Variants in DAZAP1 observed in about 807,000 individuals in gnomAD.
DAZAP1 encodes DAZ associated protein 1.
DAZAP1 carries 6 observed loss-of-function variants against 60.1 expected under a neutral mutation model. The observed-to-expected ratio is 0.10, with a 90% CI of 0.05 to 0.20. The LOEUF (loss-of-function observed/expected upper bound fraction) is 0.20, where lower values mean the gene tolerates loss of function less well. DAZAP1 is among the 10% of genes least tolerant of loss of function. DAZAP1 has a pLI of 1.00. For synonymous variants in DAZAP1, 235 were observed against 215.9 expected, an observed-to-expected ratio of 1.09 and a Z score of -0.78; for missense variants, 366 against 560.4, an observed-to-expected ratio of 0.65 and a Z score of 3.50.
At position 1,430,250 on chromosome 19, in the gene DAZAP1, A is replaced by AGGG; in HGVS notation, c.761_762insGGG (p.Gly254dup). The AGGG allele has an allele frequency of 6.8e-7, 1 of 1,481,090 alleles. No homozygotes were observed. Among genetic ancestry groups the AGGG allele is most frequent in the Non-Finnish European group, 9.2e-7 (1 of 1,084,106 alleles). The allele number at this position is 1,481,090 out of a possible 1,614,324, so 91.7% of individuals were successfully genotyped here. A position where few individuals can be genotyped will look rare whatever the true frequency, so the allele number is the denominator to read the frequency against. Reference sequence around the variant, plus strand: ...GCTATGGACCGCCCCCTGCAGGAAGAGGAGCCCCCCCGCCACCCCCACCGT... The same window carrying AGGG: ...GCTATGGACCGCCCCCTGCAGGAAGAGGGGGAGCCCCCCCGCCACCCCCACCGT... On this transcript the variant is annotated inframe_insertion, in exon 10 of 12. Coordinates refer to ENST00000233078, the MANE Select transcript of DAZAP1 (RefSeq NM_018959.4).
In DAZAP1 at chr19:1,418,417, C is replaced by T. The variant is rs755618495; in HGVS notation, c.237+47C>T. The T allele has an allele frequency of 5.6e-6, 9 of 1,596,172 alleles. No homozygotes were observed. In the South Asian group the frequency reaches 1.0e-4, roughly 18 times the overall value. ...CACACCCGCTCTCTGTCTCCCCTGTCCTTCCTCTGCTTCATTTTTTCCTGG... is the reference window on the plus strand; with the variant it reads ...CACACCCGCTCTCTGTCTCCCCTGTTCTTCCTCTGCTTCATTTTTTCCTGG... On this transcript the variant is annotated intron_variant, in intron 3 of 11. Transcript: ENST00000233078. This position sits in a 1 kb window ranked among gnomAD's most constrained non-coding sequence, Gnocchi z 5.7.
chr19:1,413,933 A>G (rs2082899574), intron 1 of DAZAP1, among the ~76,000 whole-genome samples: 1 of 150,250 alleles, frequency 6.7e-6, no homozygotes, highest in Admixed American at 6.6e-5. Flanking sequence ...CAGACTCACC[A>G]TTGGCTGACA....
chr19:1,407,711 C>T lies in DAZAP1; in HGVS notation c.-63C>T. 1 of 1,056,540 alleles carries T rather than the reference C, an allele frequency of 9.5e-7. No individual in the cohort carries two copies. Among genetic ancestry groups the T allele is most frequent in the Non-Finnish European group, 1.1e-6 (1 of 877,616 alleles). The allele number at this position is 1,056,540 out of a possible 1,614,324, so 65.4% of individuals were successfully genotyped here. On this transcript the variant is annotated 5_prime_UTR_variant, in exon 1 of 12. Coordinates refer to ENST00000233078, the MANE Select transcript of DAZAP1 (RefSeq NM_018959.4). ...GTGGGGAGGGCGACGGAGCGGGTGA[C>T]CTTCCGGAGGCGGGAGCGAGCGAGG...
intron 4 of DAZAP1, 72 bp from the exon 5 acceptor site, chr19:1,421,076 A>G: frequency 6.4e-6 from 9 of 1,400,694 alleles, no homozygotes; most frequent in Non-Finnish European, 8.1e-6. Flanking sequence ...ATTGGCCTTT[A>G]TGTCCTCCGC....
chr19:1,410,248 C>T (rs2082788215), intron 1 of DAZAP1, among the ~76,000 whole-genome samples: 1 of 152,184 alleles, frequency 6.6e-6, no homozygotes, highest in African/African-American at 2.4e-5. Context: ...CACCGACTTC[C>T]AGTCAGCTTG....
At chr19:1,408,349 C>T (rs2082724908) in intron 1 of DAZAP1, among the ~76,000 whole-genome samples, 1 of 152,136 alleles carries the variant, frequency 6.6e-6, no homozygotes, top group Non-Finnish European at 1.5e-5. Flanking sequence ...TCCAGGGCGC[C>T]GTCGCCGCCG....
Position 1,425,255 on chromosome 19 carries a change from A to G in DAZAP1, c.464-623A>G, listed in dbSNP as rs541663884. On this transcript the variant is annotated intron_variant, in intron 6 of 11. Transcript: ENST00000233078. The surrounding 1 kb of genome is among the most constrained non-coding windows in gnomAD (Gnocchi z 5.4). ...GCGTAAGCCTAGCGAGGCACCAGCT[A>G]TGATAGATACTGTATCTGTTAACGC... 6.6e-5 allele frequency among the ~76,000 whole-genome samples: 10 copies of G among 152,334 alleles called. No individual in the cohort carries two copies. The East Asian group carries it at 1.5e-3, about 24-fold the overall frequency.
At chr19:1,412,558 C>T (rs918679667) in intron 1 of DAZAP1, among the ~76,000 whole-genome samples, 1 of 152,194 alleles carries the variant, frequency 6.6e-6, no homozygotes, top group African/African-American at 2.4e-5. Context: ...CCCATTGAGG[C>T]TGCTGGCCCC....
At chr19:1,417,164 G>A (rs2083010706) in intron 1 of DAZAP1, 3 of 370,022 alleles carry the variant, frequency 8.1e-6, no homozygotes, top group South Asian at 3.0e-5. Context: ...GTAGGAAAGC[G>A]AGCCTGTGTC....
rs866821220 is a variant in DAZAP1 at position 1,428,009 on chromosome 19, A to G, written c.547-833A>G. On this transcript the variant is annotated intron_variant, in intron 7 of 11. Transcript: ENST00000233078. This position sits in a 1 kb window ranked among gnomAD's most constrained non-coding sequence, Gnocchi z 4.0. ...GGATCTTTCTGTTGTTAGTCCACCCATATTTTCAAGCAGGCATTAAAGGAA... is the reference window on the plus strand; with the variant it reads ...GGATCTTTCTGTTGTTAGTCCACCCGTATTTTCAAGCAGGCATTAAAGGAA... 2 of 152,244 alleles carry G rather than the reference A, an allele frequency of 1.3e-5. No homozygotes were observed. The highest frequency in any genetic ancestry group is 2.4e-5 in the African/African-American group (1 of 41,452). 9.4% of individuals were successfully genotyped at this position (152,244 alleles called of 1,614,324 possible).
chr19:1,415,632 C>G (rs2082960854), intron 1 of DAZAP1: 1 of 151,656 alleles, frequency 6.6e-6, no homozygotes, highest in Non-Finnish European at 1.5e-5. Flanking sequence ...GTGAGGCACG[C>G]GGAGGCCTCG....
At chr19:1,410,729 C>T (rs1398160439) in intron 1 of DAZAP1, among the ~76,000 whole-genome samples, 4 of 152,192 alleles carry the variant, frequency 2.6e-5, no homozygotes, top group East Asian at 1.9e-4. Context: ...GGGGTCACCT[C>T]GAGCGCCCAG....
intron 1 of DAZAP1, among the ~76,000 whole-genome samples, chr19:1,415,351 T>TTGTGTG (rs777866840): frequency 1.4e-3 from 98 of 70,010 alleles, no homozygotes; most frequent in Middle Eastern, 7.4e-3. Context: ...TTTCAGGGTT[T>TTGTGTG]TATGTGTGTG....
chr19:1,418,630 C>T lies in DAZAP1; in HGVS notation c.238-36C>T, dbSNP rs756843956. ...ACCCTCTTTCCTAGAGAAACAGCCT[C>T]TTATTCACAACCAGCTGATTTGAAA... On this transcript the variant is annotated intron_variant, in intron 3 of 11. Coordinates refer to ENST00000233078, the MANE Select transcript of DAZAP1 (RefSeq NM_018959.4). This position sits in a 1 kb window ranked among gnomAD's most constrained non-coding sequence, Gnocchi z 5.7. 5 of 1,613,608 alleles carry T rather than the reference C, an allele frequency of 3.1e-6. No homozygotes were observed. The highest frequency in any genetic ancestry group is 1.7e-5 in the Admixed American group (1 of 60,008).
At position 1,417,398 on chromosome 19, in the gene DAZAP1, G is replaced by C. The variant is rs12462152; in HGVS notation, c.30-102G>C. ...CACGTGCACAAGGACGTTTGCGTCA[G>C]CTGCTTCTGTGGTTTGAATTAAGAC... On this transcript the variant is annotated intron_variant, in intron 1 of 11. Transcript: ENST00000233078. 7.3e-3 allele frequency: 9,790 copies of C among 1,342,024 alleles called. 278 individuals carry two copies. In the Admixed American group the frequency reaches 0.088, roughly 12 times the overall value. 83.1% of individuals were successfully genotyped at this position (1,342,024 alleles called of 1,614,324 possible). A position where few individuals can be genotyped will look rare whatever the true frequency, so the allele number is the denominator to read the frequency against.
Position 1,433,536 on chromosome 19 carries a change from G to T in DAZAP1, c.1048+846G>T. ...AGGTGCCCGCCCACCCACCTCGCATGGCTGTGGTTCCCCTGCCCCCACGCC... is the reference window on the plus strand; with the variant it reads ...AGGTGCCCGCCCACCCACCTCGCATTGCTGTGGTTCCCCTGCCCCCACGCC... On this transcript the variant is annotated intron_variant, in intron 11 of 11. Coordinates refer to ENST00000233078, the MANE Select transcript of DAZAP1 (RefSeq NM_018959.4). The surrounding 1 kb of genome is among the most constrained non-coding windows in gnomAD (Gnocchi z 6.1). 1.2e-5 allele frequency: 7 copies of T among 561,580 alleles called. No homozygotes were observed. The highest frequency in any genetic ancestry group is 3.0e-5 in the East Asian group (1 of 32,868). The allele number at this position is 561,580 out of a possible 1,614,324, so 34.8% of individuals were successfully genotyped here.
chr19:1,415,391 TTTG>T (rs1176895899), intron 1 of DAZAP1, among the ~76,000 whole-genome samples: 8 of 62,400 alleles, frequency 1.3e-4, no homozygotes, highest in African/African-American at 3.8e-4. Context: ...GTGTGTGTGT[TTTG>T]TTTTTTTTTT....
rs747372596 is a variant in DAZAP1 at position 1,422,357 on chromosome 19, G to T, written c.424G>T (p.Val142Leu). The T allele has an allele frequency of 1.9e-6, 3 of 1,614,018 alleles. No homozygotes were observed. In the African/African-American group the frequency reaches 4.0e-5, roughly 22 times the overall value. ...CACCCTCTCCTTCCAGGTCACGGAGGTAGTCATGATCTATGACGCCGAGAA... is the reference window on the plus strand; with the variant it reads ...CACCCTCTCCTTCCAGGTCACGGAGTTAGTCATGATCTATGACGCCGAGAA... ...YFKKFGVVTE[V>L]VMIYDAEKQR... Residue 142 changes from valine (V) to leucine (L), a missense_variant, in exon 6 of 12, where the codon GTA becomes TTA. By Grantham distance (32) the Val-to-Leu change is conservative. This residue lies in a region of DAZAP1 where 28 missense variants were observed against 96.3 expected (regional missense o/e 0.29). Transcript: ENST00000233078. This position sits in a 1 kb window ranked among gnomAD's most constrained non-coding sequence, Gnocchi z 4.5.
In DAZAP1 at chr19:1,426,572, AC is replaced by A. The variant is rs374190331; in HGVS notation, c.546+619del. On this transcript the variant is annotated intron_variant, in intron 7 of 11. Transcript: ENST00000233078. The surrounding 1 kb of genome is among the most constrained non-coding windows in gnomAD (Gnocchi z 5.4). ...CCGGAGGTGAGAGGGACAGGAGGCC[AC>A]CCCCCCAACCCCCAGGCCAGCCCTT... The A allele has an allele frequency of 2.6e-5, 4 of 151,456 alleles. No individual in the cohort carries two copies. The highest frequency in any genetic ancestry group is 3.9e-4 in the East Asian group (2 of 5,176). The allele number at this position is 151,456 out of a possible 1,614,324, so 9.4% of individuals were successfully genotyped here. A position where few individuals can be genotyped will look rare whatever the true frequency, so the allele number is the denominator to read the frequency against.
Sources: gnomAD v4.1 joint callset for allele counts (sites outside exome capture counted in the v4.1 genomes callset) on GRCh38, gnomAD v4.1.1 for gene constraint, gnomAD v4.1.1 regional missense constraint, Gnocchi (gnomAD v3.1) non-coding constraint, MANE v1.5 for transcripts, NCBI Gene and HGNC (gene_info 2026-07-23, HGNC 2026-07-21) for gene names.